NPAS3: variants seen among roughly 807,000 people sequenced by gnomAD.
The protein encoded by NPAS3 is neuronal PAS domain protein 3, also known as neuronal PAS domain-containing protein 3.
NPAS3 carries 14 observed loss-of-function variants against 73.1 expected under a neutral mutation model. That is an observed-to-expected ratio of 0.19 (90% CI 0.13 to 0.30). The LOEUF (loss-of-function observed/expected upper bound fraction) is 0.30. NPAS3 is among the 10% of genes least tolerant of loss of function. The probability of loss-of-function intolerance (pLI) is 1.00; values close to 1 mark genes in which losing one functional copy is unlikely to be tolerated. For synonymous variants in NPAS3, 620 were observed against 541.5 expected, an observed-to-expected ratio of 1.14 and a Z score of -2.01; for missense variants, 1,096 against 1,250.0, an observed-to-expected ratio of 0.88 and a Z score of 1.86.
At chr14:33,476,398 A>T (rs1465849019) in intron 4 of NPAS3, among the ~76,000 whole-genome samples, 1 of 152,164 alleles carries the variant, frequency 6.6e-6, no homozygotes, top group African/African-American at 2.4e-5. Flanking sequence ...ACTGATCTAG[A>T]TTTGATTTCA....
intron 9 of NPAS3, among the ~76,000 whole-genome samples, chr14:33,780,004 A>T (rs1376502460): frequency 1.3e-5 from 2 of 152,218 alleles, no homozygotes; most frequent in Non-Finnish European, 2.9e-5. Flanking sequence ...CTTCATTTCG[A>T]ACTCAGAAAC....
At chr14:33,383,647 A>T (rs1026237999) in intron 4 of NPAS3, among the ~76,000 whole-genome samples, 4 of 152,218 alleles carry the variant, frequency 2.6e-5, no homozygotes, top group African/African-American at 9.6e-5. Context: ...GTGATGATTA[A>T]CTGTGCCCAA....
intron 6 of NPAS3, among the ~76,000 whole-genome samples, chr14:33,715,790 C>T (rs2060942222): frequency 6.6e-6 from 1 of 152,178 alleles, no homozygotes; most frequent in South Asian, 2.1e-4. Context: ...ATTCGAGGGA[C>T]CCAGTGGGAG....
intron 5 of NPAS3, among the ~76,000 whole-genome samples, chr14:33,602,881 G>A (rs1346945912): frequency 6.6e-6 from 1 of 152,080 alleles, no homozygotes; most frequent in South Asian, 2.1e-4. Flanking sequence ...GACCCAAAAG[G>A]ATCAAAATAC....
At chr14:33,569,649 G>A (rs974930428) in intron 5 of NPAS3, among the ~76,000 whole-genome samples, 3 of 151,954 alleles carry the variant, frequency 2.0e-5, no homozygotes, top group Non-Finnish European at 2.9e-5. Context: ...CACTAGGAAC[G>A]CGCTAAGGCT....
chr14:33,118,942 G>A (rs1333376449), intron 2 of NPAS3, among the ~76,000 whole-genome samples: 2 of 151,646 alleles, frequency 1.3e-5, no homozygotes, highest in Non-Finnish European at 2.9e-5. Context: ...CAGATCCTCT[G>A]CAGTTCAGTT....
intron 2 of NPAS3, among the ~76,000 whole-genome samples, chr14:33,095,390 G>A (rs139123167): frequency 6.6e-6 from 1 of 152,300 alleles, no homozygotes; most frequent in Non-Finnish European, 1.5e-5. Context: ...TGCATGTTTA[G>A]TAACTGATAG....
intron 1 of NPAS3, among the ~76,000 whole-genome samples, chr14:33,052,858 T>A (rs1471120953): frequency 2.6e-5 from 4 of 152,126 alleles, no homozygotes; most frequent in Admixed American, 6.5e-5. Flanking sequence ...CTTTTTTTTT[T>A]AAGGAGGTTT....
intron 4 of NPAS3, among the ~76,000 whole-genome samples, chr14:33,480,213 G>A (rs1007711641): frequency 1.3e-5 from 2 of 152,170 alleles, no homozygotes; most frequent in African/African-American, 2.4e-5. Context: ...TGCAGTATTA[G>A]AAGATACATT....
chr14:33,571,362 T>TG (rs1456877335), intron 5 of NPAS3, among the ~76,000 whole-genome samples: 1 of 152,166 alleles, frequency 6.6e-6, no homozygotes, highest in African/African-American at 2.4e-5. Flanking sequence ...TCGTAAGCAC[T>TG]GGGGTAGGGC....
chr14:33,551,650 T>C (rs1361361805), intron 4 of NPAS3, among the ~76,000 whole-genome samples: 1 of 152,082 alleles, frequency 6.6e-6, no homozygotes, highest in Non-Finnish European at 1.5e-5. Flanking sequence ...GGACAGGAAA[T>C]GGGGTCAGTG....
At chr14:33,212,746 A>G (rs554590228) in intron 2 of NPAS3, among the ~76,000 whole-genome samples, 1 of 152,330 alleles carries the variant, frequency 6.6e-6, no homozygotes, top group East Asian at 1.9e-4. Flanking sequence ...TTAATCTTCT[A>G]CTTTGCTTCA....
At chr14:33,227,061 G>A (rs1295068964) in intron 3 of NPAS3, among the ~76,000 whole-genome samples, 4 of 152,172 alleles carry the variant, frequency 2.6e-5, no homozygotes, top group Non-Finnish European at 5.9e-5. Context: ...TATGTAAAAT[G>A]CAGTATGTCC....
chr14:33,393,050 C>T lies in NPAS3; in HGVS notation c.468+25782C>T, dbSNP rs746285412. Among the ~76,000 whole-genome samples the T allele has an allele frequency of 2.3e-4, 35 of 151,992 alleles. 1 individual carries two copies. Among genetic ancestry groups the T allele is most frequent in the Non-Finnish European group, 5.0e-4 (34 of 68,004 alleles). On this transcript the variant is annotated intron_variant, in intron 4 of 11. Coordinates refer to ENST00000356141, the Ensembl canonical transcript of NPAS3. ...CTGAGAAATTTTTCTCTCTCTAGAA[C>T]ATATTTTTCAAATACTTGTTCAAAC... is the stretch of plus-strand genomic sequence containing the variant.
intron 4 of NPAS3, among the ~76,000 whole-genome samples, chr14:33,527,678 C>T (rs1310616025): frequency 6.6e-6 from 1 of 152,094 alleles, no homozygotes; most frequent in African/African-American, 2.4e-5. Context: ...AAGAATGGAT[C>T]CCGCAGAAAT....
chr14:33,592,898 A>G (rs1446672389), intron 5 of NPAS3, among the ~76,000 whole-genome samples: 2 of 152,054 alleles, frequency 1.3e-5, no homozygotes, highest in Non-Finnish European at 2.9e-5. Context: ...GCAGATTACT[A>G]TGTTTTCTTC....
At chr14:33,416,563 A>G (rs1458343486) in intron 4 of NPAS3, among the ~76,000 whole-genome samples, 1 of 151,902 alleles carries the variant, frequency 6.6e-6, no homozygotes, top group Non-Finnish European at 1.5e-5. Flanking sequence ...AAAACTACCC[A>G]TTTCTGATGC....
intron 3 of NPAS3, among the ~76,000 whole-genome samples, chr14:33,352,057 C>T (rs947594168): frequency 1.3e-5 from 2 of 152,044 alleles, no homozygotes; most frequent in African/African-American, 4.8e-5. Context: ...AAAAAAACAT[C>T]TGCGGTTTAA....
intron 2 of NPAS3, among the ~76,000 whole-genome samples, chr14:33,064,182 A>G (rs1163226844): frequency 6.6e-6 from 1 of 152,182 alleles, no homozygotes; most frequent in Admixed American, 6.6e-5. Context: ...TAAAAAGTAT[A>G]ATTTTCCTTA....
Sources: gnomAD v4.1 joint callset for allele counts (sites outside exome capture counted in the v4.1 genomes callset) on GRCh38, gnomAD v4.1.1 for gene constraint, MANE v1.5 for transcripts, NCBI Gene and HGNC (gene_info 2026-07-23, HGNC 2026-07-21) for gene names.